Variants in GATA4 observed in about 807,000 individuals in gnomAD.
GATA4 encodes GATA binding protein 4, also known as transcription factor GATA-4.
A neutral mutation model predicts 37.9 loss-of-function variants in GATA4; 7 were observed. That is an observed-to-expected ratio of 0.18 (90% CI 0.11 to 0.35). GATA4 has a LOEUF of 0.35. Among genes scored for constraint, GATA4 ranks in the 10% least tolerant of loss-of-function variants. GATA4 has a pLI of 1.00. For synonymous variants in GATA4, 372 were observed against 292.6 expected, an observed-to-expected ratio of 1.27 and a Z score of -2.77; for missense variants, 647 against 653.0, an observed-to-expected ratio of 0.99 and a Z score of 0.10.
chr8:11,679,610 G>C (rs1403545079), intron 1 of GATA4, among the ~76,000 whole-genome samples: 2 of 152,186 alleles, frequency 1.3e-5, no homozygotes, highest in East Asian at 1.9e-4. Context: ...GCGCGGCCTG[G>C]GCCCCCCACC....
intron 2 of GATA4, among the ~76,000 whole-genome samples, chr8:11,747,808 G>T (rs1802103728): frequency 6.6e-6 from 1 of 152,158 alleles, no homozygotes; most frequent in Non-Finnish European, 1.5e-5. Context: ...TGGAACAATG[G>T]TATATGAGTG....
At chr8:11,712,173 T>C (rs1393973049) in intron 2 of GATA4, among the ~76,000 whole-genome samples, 1 of 152,244 alleles carries the variant, frequency 6.6e-6, no homozygotes, top group Non-Finnish European at 1.5e-5. Flanking sequence ...GTTATTTTAT[T>C]GAATAGCCAC....
chr8:11,692,865 C>G (rs1408539648), intron 1 of GATA4: 1 of 981,452 alleles, frequency 1.0e-6, no homozygotes, highest in Non-Finnish European at 1.2e-6. Context: ...CCCCGAGCGC[C>G]GCCGAGTTTG....
At chr8:11,716,950 A>G (rs1399111943) in intron 2 of GATA4, among the ~76,000 whole-genome samples, 4 of 152,250 alleles carry the variant, frequency 2.6e-5, no homozygotes, top group Non-Finnish European at 5.9e-5. Flanking sequence ...GTTCTTGCCA[A>G]CGCGAGCTGC....
At chr8:11,740,120 C>T (rs1056519575) in intron 2 of GATA4, among the ~76,000 whole-genome samples, 2 of 152,194 alleles carry the variant, frequency 1.3e-5, no homozygotes, top group East Asian at 1.9e-4. Flanking sequence ...GAGCCTGAAG[C>T]CGGAAGCCCC....
chr8:11,683,656 A>C (rs1799048566), intron 1 of GATA4, among the ~76,000 whole-genome samples: 1 of 152,224 alleles, frequency 6.6e-6, no homozygotes, highest in African/African-American at 2.4e-5. Context: ...GCCCAAGATG[A>C]GGACTAAAGC....
At chr8:11,731,831 C>T (rs1801225901) in intron 2 of GATA4, among the ~76,000 whole-genome samples, 2 of 152,170 alleles carry the variant, frequency 1.3e-5, no homozygotes, top group Non-Finnish European at 2.9e-5. Flanking sequence ...TTTCCTAACA[C>T]TTCATTCTAT....
In GATA4 at chr8:11,708,990, G is replaced by T; in HGVS notation, c.616+62G>T. On this transcript the variant is annotated intron_variant, in intron 2 of 6. Transcript: ENST00000532059. The surrounding 1 kb of genome is among the most constrained non-coding windows in gnomAD (Gnocchi z 6.7). ...CGGGGCAGGGGCCGTCTTGAGCCCT[G>T]TCGAGGGCCTCTTGTTTTTCCACCA... 6.8e-7 allele frequency: 1 copy of T among 1,464,870 alleles called. No individual in the cohort carries two copies. 90.7% of individuals were successfully genotyped at this position (1,464,870 alleles called of 1,614,324 possible).
intron 2 of GATA4, among the ~76,000 whole-genome samples, chr8:11,722,202 A>C (rs572641477): frequency 1.3e-5 from 2 of 152,268 alleles, no homozygotes; most frequent in East Asian, 3.9e-4. Flanking sequence ...AGAGAGTAGA[A>C]TATTCATCCC....
intron 1 of GATA4, among the ~76,000 whole-genome samples, chr8:11,698,594 T>A (rs1460133013): frequency 6.6e-6 from 1 of 152,134 alleles, no homozygotes; most frequent in East Asian, 1.9e-4. Flanking sequence ...GCTGACTTGG[T>A]CTCTCCATCC....
At chr8:11,712,520 A>T (rs983134403) in intron 2 of GATA4, among the ~76,000 whole-genome samples, 5 of 152,010 alleles carry the variant, frequency 3.3e-5, no homozygotes, top group East Asian at 1.9e-4. Flanking sequence ...GCAATTTTTT[A>T]AAAAAAGAAA....
intron 2 of GATA4, among the ~76,000 whole-genome samples, chr8:11,745,411 CAAAAAAAAA>C (rs3030049): frequency 5.1e-4 from 53 of 104,026 alleles, no homozygotes; most frequent in African/African-American, 7.5e-4. Flanking sequence ...TTGTCTCTAC[CAAAAAAAAA>C]AAAAAAAAAA....
rs1169178527 is a variant in GATA4 at position 11,758,577 on chromosome 8, AAT to A, written c.*103_*104del. 1.8e-6 allele frequency: 2 copies of A among 1,115,536 alleles called. No homozygotes were observed. The highest frequency in any genetic ancestry group is 2.7e-6 in the Non-Finnish European group (2 of 734,200). 69.1% of individuals were successfully genotyped at this position (1,115,536 alleles called of 1,614,324 possible). A position where few individuals can be genotyped will look rare whatever the true frequency, so the allele number is the denominator to read the frequency against. ...CAGGGGCCGGCCTCCTCTGCCTGGTAATGACTCCAGAACAACAACTGGGAAGA... is the reference window on the plus strand; with the variant it reads ...CAGGGGCCGGCCTCCTCTGCCTGGTAGACTCCAGAACAACAACTGGGAAGA... On this transcript the variant is annotated 3_prime_UTR_variant, in exon 7 of 7. Coordinates refer to ENST00000532059, the MANE Select transcript of GATA4 (RefSeq NM_001308093.3).
rs1014756810 is a variant in GATA4, at chr8:11,722,656, A to G, written c.616+13728A>G. On this transcript the variant is annotated intron_variant, in intron 2 of 6. Transcript: ENST00000532059. ...GACTTCTGCAGACTGGATTTTGTTG[A>G]CTGCCTTCTCTTCATGACATTGAAC... Among the ~76,000 whole-genome samples the G allele has an allele frequency of 1.1e-4, 16 of 152,210 alleles. 1 individual carries two copies. Among genetic ancestry groups the G allele is most frequent in the Admixed American group, 9.8e-4 (15 of 15,292 alleles).
chr8:11,726,685 G>A (rs1037148690), intron 2 of GATA4, among the ~76,000 whole-genome samples: 2 of 152,114 alleles, frequency 1.3e-5, no homozygotes, highest in African/African-American at 4.8e-5. Flanking sequence ...GCAGTTGGAG[G>A]CCTTGGGAGG....
chr8:11,740,889 A>T (rs1013948207), intron 2 of GATA4, among the ~76,000 whole-genome samples: 5 of 151,962 alleles, frequency 3.3e-5, no homozygotes, highest in African/African-American at 7.2e-5. Context: ...GTGCACCAAC[A>T]TGCCCACCTA....
In GATA4 at chr8:11,708,907, G is replaced by T. The variant is rs1199579525; in HGVS notation, c.595G>T (p.Ala199Ser). 6.5e-7 allele frequency: 1 copy of T among 1,527,038 alleles called. No individual in the cohort carries two copies. The highest frequency in any genetic ancestry group is 2.5e-5 in the East Asian group (1 of 40,344). The allele number at this position is 1,527,038 out of a possible 1,614,324, so 94.6% of individuals were successfully genotyped here. A position where few individuals can be genotyped will look rare whatever the true frequency, so the allele number is the denominator to read the frequency against. The stretch of plus-strand genomic sequence containing the variant: ...CAGCCTGCCCGGCCGGGCCAACCCG[G>T]CCGCCCGACACCCCAATCTCGGTGA... ...LHSLPGRANP[A>S]ARHPNLVDMF... The change falls in exon 2 of 7, where the codon GCC (alanine) becomes TCC (serine). Residue 199 changes from alanine to serine, a missense_variant. Physicochemically the swap from Ala to Ser is moderately conservative, Grantham distance 99. Coordinates refer to ENST00000532059, the MANE Select transcript of GATA4 (RefSeq NM_001308093.3). The surrounding 1 kb of genome is among the most constrained non-coding windows in gnomAD (Gnocchi z 6.7).
upstream of GATA4, among the ~76,000 whole-genome samples, chr8:11,700,044 C>G (rs926602005): frequency 1.2e-4 from 19 of 152,196 alleles, no homozygotes; most frequent in African/African-American, 4.6e-4. Context: ...AGACAAGTAC[C>G]TTAACCTCTC....
At chr8:11,735,636 C>G (rs1801417051) in intron 2 of GATA4, among the ~76,000 whole-genome samples, 1 of 152,150 alleles carries the variant, frequency 6.6e-6, no homozygotes, top group African/African-American at 2.4e-5. Flanking sequence ...AATCTCGGCT[C>G]ACTGCAACCT....
Sources: gnomAD v4.1 joint callset for allele counts (sites outside exome capture counted in the v4.1 genomes callset) on GRCh38, gnomAD v4.1.1 for gene constraint, Gnocchi (gnomAD v3.1) non-coding constraint, MANE v1.5 for transcripts, NCBI Gene and HGNC (gene_info 2026-07-23, HGNC 2026-07-21) for gene names.